Variants in CNTRL observed in about 807,000 individuals in gnomAD.
The protein encoded by CNTRL is 110 kDa centrosomal protein.
In CNTRL, 233 loss-of-function variants were observed where a neutral mutation model predicts 303.7. That is an observed-to-expected ratio of 0.77 (90% CI 0.69 to 0.86). The LOEUF (loss-of-function observed/expected upper bound fraction) is 0.86, where lower values mean the gene tolerates loss of function less well. Ranked by LOEUF, CNTRL falls within the 40% of genes least tolerant of loss-of-function variation. The pLI, the probability that CNTRL is intolerant of heterozygous loss-of-function variation, is 0.00. For missense variants in CNTRL, 2,524 were observed against 2,650.6 expected (o/e 0.95, Z 1.05); for synonymous variants, 900 against 922.2 (o/e 0.98, Z 0.44).
At chr9:121,122,475 T>C in intron 12 of CNTRL, 1 of 812,214 alleles carries the variant, frequency 1.2e-6, no homozygotes, top group African/African-American at 1.9e-5. Context: ...ATCACATGGG[T>C]CTTAGACTTG....
intron 12 of CNTRL, chr9:121,121,736 G>T: frequency 1.0e-6 from 1 of 977,932 alleles, no homozygotes; most frequent in Non-Finnish European, 1.2e-6. Flanking sequence ...GCCCGCAGAG[G>T]CTGCTGGTGA....
intron 2 of CNTRL, among the ~76,000 whole-genome samples, chr9:121,085,998 A>C (rs891821562): frequency 2.0e-5 from 3 of 152,204 alleles, no homozygotes; most frequent in Non-Finnish European, 4.4e-5. Flanking sequence ...GAGAACTGGA[A>C]GGAAGGTGGT....
chr9:121,094,546 A>G (rs374127877), intron 4 of CNTRL, among the ~76,000 whole-genome samples: 5 of 152,296 alleles, frequency 3.3e-5, no homozygotes. Flanking sequence ...CACTAAAACC[A>G]TAGCACTATC....
At chr9:121,095,119 CAG>C in intron 5 of CNTRL, 101 bp downstream of exon 5, 2 of 887,228 alleles carry the variant, frequency 2.3e-6, no homozygotes, top group South Asian at 1.9e-5. Flanking sequence ...TTGACAGAAA[CAG>C]AAGATATTTT....
At chr9:121,123,682 C>T (rs1213297614) in intron 12 of CNTRL, among the ~76,000 whole-genome samples, 1 of 152,058 alleles carries the variant, frequency 6.6e-6, no homozygotes, top group African/African-American at 2.4e-5. Flanking sequence ...TAGCTGTGCC[C>T]TTGGAAAAAC....
chr9:121,161,509 T>G, intron 32 of CNTRL: 1 of 334,810 alleles, frequency 3.0e-6, no homozygotes. Flanking sequence ...GTTAAAATGT[T>G]TGTCTGTTTA....
chr9:121,146,370 C>T, intron 23 of CNTRL, 114 bp downstream of exon 23: 4 of 1,062,658 alleles, frequency 3.8e-6, no homozygotes, highest in East Asian at 2.5e-5. Context: ...CTATGCTAAG[C>T]CGTGCATTGA....
intron 6 of CNTRL, 82 bp from the exon 7 acceptor site, chr9:121,098,304 A>T: frequency 9.2e-7 from 1 of 1,092,230 alleles, no homozygotes; most frequent in Non-Finnish European, 1.3e-6. Flanking sequence ...GCCATGTTAA[A>T]TTTCCTTGAT....
intron 2 of CNTRL, among the ~76,000 whole-genome samples, chr9:121,087,170 G>C (rs775615143): frequency 6.6e-6 from 1 of 152,168 alleles, no homozygotes; most frequent in Non-Finnish European, 1.5e-5. Context: ...GATTGACTGA[G>C]TATGGGACAA....
Position 121,088,460 on chromosome 9 carries a change from C to G in CNTRL, c.134C>G (p.Pro45Arg), listed in dbSNP as rs1214720069. The change falls in exon 3 of 44, where the codon CCT (proline) becomes CGT (arginine). Residue 45 changes from proline (P) to arginine (R), a missense_variant. Transcript: ENST00000373855. ...LSPLIGSETL[P>R]FHSGGQWCEQ... ...CCTTTGATTGGATCAGAGACTCTAC[C>G]TTTTCATTCTGGAGGACAGTGGTGT... 3.7e-6 allele frequency: 6 copies of G among 1,612,890 alleles called. No homozygotes were observed. The highest frequency in any genetic ancestry group is 3.3e-5 in the Admixed American group (2 of 59,994).
intron 1 of CNTRL, among the ~76,000 whole-genome samples, chr9:121,078,954 T>G (rs1469573903): frequency 6.6e-6 from 1 of 152,190 alleles, no homozygotes; most frequent in Non-Finnish European, 1.5e-5. Flanking sequence ...TAACTTTTTA[T>G]GGAGGCTTCA....
intron 28 of CNTRL, 46 bp from the exon 29 acceptor site, chr9:121,157,694 A>G (rs1243274623): frequency 6.2e-7 from 1 of 1,607,450 alleles, no homozygotes; most frequent in Non-Finnish European, 8.5e-7. Flanking sequence ...TAAATAATGC[A>G]TGGTAAGTCT....
At chr9:121,096,390 C>T (rs2048893597) in intron 5 of CNTRL, 32 bp from the exon 6 acceptor site, 1 of 1,409,054 alleles carries the variant, frequency 7.1e-7, no homozygotes, top group African/African-American at 1.4e-5. Context: ...TAATTGTACT[C>T]ACTAAATTTT....
At chr9:121,175,466 G>A (rs1396104603) in intron 43 of CNTRL, among the ~76,000 whole-genome samples, 1 of 152,106 alleles carries the variant, frequency 6.6e-6, no homozygotes, top group Admixed American at 6.5e-5. Context: ...TGGAGGTCTT[G>A]CTGGGTTGCC....
intron 1 of CNTRL, 57 bp downstream of exon 1, chr9:121,075,124 C>A (rs2047860980): frequency 5.6e-6 from 2 of 355,056 alleles, no homozygotes; most frequent in Non-Finnish European, 1.1e-5. Flanking sequence ...GCAGTGGGGG[C>A]CGGCGGCAAA....
rs568504177 is a variant in CNTRL at position 121,092,698 on chromosome 9, A to G, written c.349-2190A>G. 4.8e-3 allele frequency among the ~76,000 whole-genome samples: 204 copies of G among 42,926 alleles called. 53 individuals carry two copies. The highest frequency in any genetic ancestry group is 0.014 in the African/African-American group (194 of 13,838). The allele number at this position is 42,926 out of a possible 152,430, so 28.2% of individuals were successfully genotyped here. A position where few individuals can be genotyped will look rare whatever the true frequency, so the allele number is the denominator to read the frequency against. ...TAATATATATCTATATATATAATAT[A>G]TATCTATATATATAATATATATCTA... is the stretch of plus-strand genomic sequence containing the variant. On this transcript the variant is annotated intron_variant, in intron 4 of 43. Transcript: ENST00000373855.
chr9:121,162,065 G>C lies in CNTRL; in HGVS notation c.5217G>C (p.Glu1739Asp). ...TQVAVLEEKL[E>D]LENLQQISQQ... is the part of the protein sequence containing the mutation. The stretch of plus-strand genomic sequence containing the variant: ...TTTATCTGATTTAGGAGAAACTGGA[G>C]TTAGAGAATTTGCAGCAGATATCCC... Residue 1739 changes from glutamate (E) to aspartate (D), a missense_variant, in exon 34 of 44, where the codon GAG (glutamate) becomes GAC (aspartate). Glu to Asp is a conservative substitution (Grantham distance 45, BLOSUM62 2). Transcript: ENST00000373855. 6.2e-7 allele frequency: 1 copy of C among 1,614,170 alleles called. No individual in the cohort carries two copies. The highest frequency in any genetic ancestry group is 8.5e-7 in the Non-Finnish European group (1 of 1,180,024).
intron 7 of CNTRL, 75 bp downstream of exon 7, chr9:121,098,647 A>G (rs2048992388): frequency 1.3e-5 from 12 of 951,020 alleles, no homozygotes; most frequent in South Asian, 7.0e-5. Context: ...AGAAATATGT[A>G]TCATGAACTT....
chr9:121,095,091 C>G, intron 5 of CNTRL, 73 bp downstream of exon 5: 1 of 1,104,144 alleles, frequency 9.1e-7, no homozygotes, highest in Non-Finnish European at 1.3e-6. Context: ...ATGTTATCCA[C>G]ATTACTGAAA....
Sources: gnomAD v4.1 joint callset for allele counts (sites outside exome capture counted in the v4.1 genomes callset) on GRCh38, gnomAD v4.1.1 for gene constraint, MANE v1.5 for transcripts, NCBI Gene and HGNC (gene_info 2026-07-23, HGNC 2026-07-21) for gene names.